Variants in PTPRN2 observed in about 807,000 individuals in gnomAD.
PTPRN2 encodes the protein protein tyrosine phosphatase receptor type N2, also known as receptor-type tyrosine-protein phosphatase N2.
In PTPRN2, 74 loss-of-function variants were observed where a neutral mutation model predicts 118.8. That is an observed-to-expected ratio of 0.62 (90% CI 0.52 to 0.76). The LOEUF (loss-of-function observed/expected upper bound fraction) is 0.76, where lower values mean the gene tolerates loss of function less well. Among genes scored for constraint, PTPRN2 ranks in the 30% least tolerant of loss-of-function variants. The pLI, the probability that PTPRN2 is intolerant of heterozygous loss-of-function variation, is 0.00. For synonymous variants in PTPRN2, 641 were observed against 608.0 expected (o/e 1.05, Z -0.80); for missense variants, 1,481 against 1,394.4 (o/e 1.06, Z -0.99).
At chr7:157,891,887 C>T (rs778855586) in intron 12 of PTPRN2, among the ~76,000 whole-genome samples, 2 of 152,184 alleles carry the variant, frequency 1.3e-5, no homozygotes, top group Non-Finnish European at 2.9e-5. Flanking sequence ...GCTCCCTCAG[C>T]AGAGATGGGG....
intron 12 of PTPRN2, among the ~76,000 whole-genome samples, chr7:157,720,329 C>T (rs61303676): frequency 0.18 from 26,792 of 152,118 alleles, 3,192 homozygotes; most frequent in East Asian, 0.38. Context: ...CTGCCGCAAT[C>T]GGTCATTCCA....
At chr7:158,460,253 C>A (rs774411857) in intron 2 of PTPRN2, among the ~76,000 whole-genome samples, 4 of 132,602 alleles carry the variant, frequency 3.0e-5, no homozygotes, top group South Asian at 2.6e-4. Context: ...TGTGTGCCGT[C>A]AGCACAGGAG....
rs367907846 is a variant in PTPRN2 at position 157,924,834 on chromosome 7, A to G, written c.1724-26097T>C. Among the ~76,000 whole-genome samples the G allele has an allele frequency of 5.3e-5, 8 of 152,336 alleles. No individual in the cohort carries two copies. The East Asian group carries it at 5.8e-4, about 11-fold the overall frequency. ...CAAACAGGCAAATGCAGTTATTGAA[A>G]TGTAGTCAGGATGCAGGCACCTGCA... On this transcript the variant is annotated intron_variant, in intron 11 of 22. Coordinates refer to ENST00000389418, the MANE Select transcript of PTPRN2 (RefSeq NM_002847.5).
At position 158,183,815 on chromosome 7, in the gene PTPRN2, T is replaced by C. The variant is rs558499141; in HGVS notation, c.549+8512A>G. On this transcript the variant is annotated intron_variant, in intron 5 of 22. Coordinates refer to ENST00000389418, the MANE Select transcript of PTPRN2 (RefSeq NM_002847.5). Reference sequence around the variant, plus strand: ...TGCAGCCTGCCACTTCTTTCAAAGGTTCTGTGGTTTCTTTTAGTTTTCCTG... The same window carrying C: ...TGCAGCCTGCCACTTCTTTCAAAGGCTCTGTGGTTTCTTTTAGTTTTCCTG... 3.9e-4 allele frequency among the ~76,000 whole-genome samples: 60 copies of C among 152,300 alleles called. 1 individual carries two copies. Among genetic ancestry groups the C allele is most frequent in the South Asian group, 4.1e-4 (2 of 4,824 alleles).
rs934561910 is a variant in PTPRN2, at chr7:157,690,113, G to A, written c.1789-7176C>T. Among the ~76,000 whole-genome samples the A allele has an allele frequency of 3.3e-5, 5 of 152,236 alleles. No homozygotes were observed. Among genetic ancestry groups the A allele is most frequent in the African/African-American group, 4.8e-5 (2 of 41,480 alleles). Reference sequence around the variant, plus strand: ...GAAAGGCCGAGAGAAGAGCGCTGGGGAGAAGTCCCGGAGGTCCTAGACTCC... The same window carrying A: ...GAAAGGCCGAGAGAAGAGCGCTGGGAAGAAGTCCCGGAGGTCCTAGACTCC... On this transcript the variant is annotated intron_variant, in intron 12 of 22. Coordinates refer to ENST00000389418, the MANE Select transcript of PTPRN2 (RefSeq NM_002847.5). The surrounding 1 kb of genome is among the most constrained non-coding windows in gnomAD (Gnocchi z 7.1).
rs529499514 is a variant in PTPRN2, at chr7:158,581,071, G to T, written c.112+6487C>A. Among the ~76,000 whole-genome samples, 3 of 152,238 alleles carry T rather than the reference G, an allele frequency of 2.0e-5. No individual in the cohort carries two copies. The East Asian group carries it at 5.8e-4, about 29-fold the overall frequency. On this transcript the variant is annotated intron_variant, in intron 1 of 22. Transcript: ENST00000389418. Reference sequence around the variant, plus strand: ...AGAAAGGCAGTTTGACAAGTGAAATGGTCCCCACTCCTGTAAGAACGAGAC... The same window carrying T: ...AGAAAGGCAGTTTGACAAGTGAAATTGTCCCCACTCCTGTAAGAACGAGAC...
intron 1 of PTPRN2, among the ~76,000 whole-genome samples, chr7:158,508,176 C>T (rs1293424040): frequency 7.0e-5 from 10 of 143,766 alleles, no homozygotes; most frequent in East Asian, 2.1e-4. Flanking sequence ...GGTGGGCAGG[C>T]GGCAGGAGAC....
Position 158,061,657 on chromosome 7 carries a change from G to A in PTPRN2, c.1723+19641C>T, listed in dbSNP as rs114217394. 4.9e-3 allele frequency among the ~76,000 whole-genome samples: 747 copies of A among 152,296 alleles called. 8 individuals are homozygous for A. Among genetic ancestry groups the A allele is most frequent in the African/African-American group, 0.017 (715 of 41,550 alleles). On this transcript the variant is annotated intron_variant, in intron 11 of 22. Transcript: ENST00000389418. ...GCTCCAGGATTGTCATTTCAGCACCGCTGCCCATGGTCCAAGAGCCGTAGC... is the reference window on the plus strand; with the variant it reads ...GCTCCAGGATTGTCATTTCAGCACCACTGCCCATGGTCCAAGAGCCGTAGC...
Position 158,030,396 on chromosome 7 carries a change from G to A in PTPRN2, c.1723+50902C>T, listed in dbSNP as rs868431092. ...GGACTATGTCCCCCAGCAAAGCACA[G>A]AGCTGAGCCAGCTGCTTGGGGACTA... On this transcript the variant is annotated intron_variant, in intron 11 of 22. Transcript: ENST00000389418. 18 of 152,382 alleles carry A rather than the reference G, an allele frequency of 1.2e-4. 1 individual carries two copies. Among genetic ancestry groups the A allele is most frequent in the African/African-American group, 4.3e-4 (18 of 41,592 alleles). The allele number at this position is 152,382 out of a possible 1,614,324, so 9.4% of individuals were successfully genotyped here.
intron 2 of PTPRN2, among the ~76,000 whole-genome samples, chr7:158,352,367 A>G (rs113947395): frequency 1.6e-4 from 21 of 128,470 alleles, no homozygotes; most frequent in African/African-American, 3.1e-4. Flanking sequence ...CCTCCTGACC[A>G]CTCCCCTCCC....
At position 157,907,731 on chromosome 7, in the gene PTPRN2, C is replaced by T. The variant is rs557112282; in HGVS notation, c.1724-8994G>A. Among the ~76,000 whole-genome samples the T allele has an allele frequency of 6.0e-5, 9 of 150,642 alleles. No homozygotes were observed. In the South Asian group the frequency reaches 6.3e-4, roughly 11 times the overall value. ...TCCTGGGTGGCAGTATCTCCCTGTC[C>T]GCTGCGTGTGGGGTGTCCCGGGCTG... On this transcript the variant is annotated intron_variant, in intron 11 of 22. Coordinates refer to ENST00000389418, the MANE Select transcript of PTPRN2 (RefSeq NM_002847.5).
At chr7:158,363,469 C>T (rs1184337945) in intron 2 of PTPRN2, among the ~76,000 whole-genome samples, 3 of 152,244 alleles carry the variant, frequency 2.0e-5, no homozygotes, top group Admixed American at 6.5e-5. Flanking sequence ...AATTCATTCT[C>T]TGACCAGAGA....
chr7:158,435,084 CA>C (rs1353409885), intron 2 of PTPRN2, among the ~76,000 whole-genome samples: 2 of 152,120 alleles, frequency 1.3e-5, no homozygotes, highest in Non-Finnish European at 2.9e-5. Context: ...GCTCAGGCAA[CA>C]AAAGCAGAAA....
intron 21 of PTPRN2, among the ~76,000 whole-genome samples, chr7:157,563,585 C>T: frequency 7.0e-6 from 1 of 142,734 alleles, no homozygotes; most frequent in South Asian, 2.4e-4. Flanking sequence ...CCACGTGCTC[C>T]CGCATCACCA....
intron 12 of PTPRN2, among the ~76,000 whole-genome samples, chr7:157,694,681 T>C (rs1797682507): frequency 6.6e-6 from 1 of 152,214 alleles, no homozygotes; most frequent in Non-Finnish European, 1.5e-5. Context: ...TTCTTGAAAA[T>C]ACTTTAGAAA....
chr7:157,735,025 C>CT (rs1471384119), intron 12 of PTPRN2, among the ~76,000 whole-genome samples: 1 of 152,268 alleles, frequency 6.6e-6, no homozygotes, highest in African/African-American at 2.4e-5. Flanking sequence ...GTGATGCCAA[C>CT]TGCAGCAGGA....
At chr7:158,314,292 TA>T (rs1415536004) in intron 3 of PTPRN2, among the ~76,000 whole-genome samples, 1 of 152,222 alleles carries the variant, frequency 6.6e-6, no homozygotes, top group Non-Finnish European at 1.5e-5. Flanking sequence ...GTTTGCTCCT[TA>T]AATGAGGCTT....
chr7:157,809,561 G>A (rs75236864), intron 12 of PTPRN2, among the ~76,000 whole-genome samples: 13,635 of 152,250 alleles, frequency 0.09, 702 homozygotes, highest in Middle Eastern at 0.14. Context: ...GGTCTCTGTG[G>A]ATGGAGTTAG....
intron 12 of PTPRN2, among the ~76,000 whole-genome samples, chr7:157,854,014 G>A (rs1340239239): frequency 1.3e-5 from 2 of 152,178 alleles, no homozygotes; most frequent in Non-Finnish European, 2.9e-5. Flanking sequence ...TTCTCCGAGG[G>A]CCTCAGAAGA....
Sources: gnomAD v4.1 joint callset for allele counts (sites outside exome capture counted in the v4.1 genomes callset) on GRCh38, gnomAD v4.1.1 for gene constraint, Gnocchi (gnomAD v3.1) non-coding constraint, MANE v1.5 for transcripts, NCBI Gene and HGNC (gene_info 2026-07-23, HGNC 2026-07-21) for gene names.